AMPH: variants seen among roughly 807,000 people sequenced by gnomAD.
The protein encoded by AMPH is amphiphysin.
In AMPH, 49 loss-of-function variants were observed where a neutral mutation model predicts 99.1. The ratio of observed to expected loss-of-function variants is 0.49; its 90% CI spans 0.39 to 0.63. The LOEUF (loss-of-function observed/expected upper bound fraction) is 0.63. AMPH is among the 20% of genes least tolerant of loss of function. The pLI is 0.00. For missense variants in AMPH, 759 were observed against 863.4 expected (o/e 0.88, Z 1.52); for synonymous variants, 314 against 317.3 (o/e 0.99, Z 0.11).
chr7:38,429,934 G>A (rs1562749010), intron 13 of AMPH, 69 bp from the exon 14 acceptor site: 5 of 1,423,474 alleles, frequency 3.5e-6, no homozygotes, highest in Non-Finnish European at 4.8e-6. Flanking sequence ...AAAATCCTAT[G>A]CTGTCTAGAG....
At chr7:38,397,799 AACT>A (rs749673594) in intron 17 of AMPH, among the ~76,000 whole-genome samples, 18 of 151,830 alleles carry the variant, frequency 1.2e-4, no homozygotes, top group Admixed American at 2.6e-4. Context: ...GATCTCAAAC[AACT>A]CTATGGGGAA....
At chr7:38,496,960 T>G (rs1427350978) in intron 3 of AMPH, among the ~76,000 whole-genome samples, 2 of 152,196 alleles carry the variant, frequency 1.3e-5, no homozygotes, top group African/African-American at 4.8e-5. Flanking sequence ...AATAAAATTA[T>G]ATAAGATTTT....
Position 38,435,228 on chromosome 7 carries a change from T to A in AMPH, c.1134+1044A>T, listed in dbSNP as rs17171342. Among the ~76,000 whole-genome samples the A allele has an allele frequency of 4.9e-3, 742 of 152,318 alleles. 8 individuals are homozygous for A. Among genetic ancestry groups the A allele is most frequent in the African/African-American group, 0.017 (711 of 41,568 alleles). On this transcript the variant is annotated intron_variant, in intron 12 of 20. Coordinates refer to ENST00000356264, the MANE Select transcript of AMPH (RefSeq NM_001635.4). ...TTATTAACACCTTGGACATTTATTGTTCATATTGCACAACAGGAAAGCCTT... is the reference window on the plus strand; with the variant it reads ...TTATTAACACCTTGGACATTTATTGATCATATTGCACAACAGGAAAGCCTT...
At chr7:38,627,109 C>T (rs1016674031) in intron 1 of AMPH, among the ~76,000 whole-genome samples, 6 of 152,084 alleles carry the variant, frequency 3.9e-5, no homozygotes, top group African/African-American at 7.2e-5. Flanking sequence ...TCCTGGCTTT[C>T]GCACTGGCTC....
intron 1 of AMPH, among the ~76,000 whole-genome samples, chr7:38,559,229 C>T (rs904885636): frequency 6.6e-6 from 1 of 152,212 alleles, no homozygotes; most frequent in Non-Finnish European, 1.5e-5. Context: ...GTTACCCAGC[C>T]GTATTACTTC....
At position 38,623,637 on chromosome 7, in the gene AMPH, G is replaced by A. The variant is rs556122149; in HGVS notation, c.69+7646C>T. On this transcript the variant is annotated intron_variant, in intron 1 of 20. Transcript: ENST00000356264. ...GAGATTTGGTCTCTGAAGTGTCCTC[G>A]GAAGTAAACGTGGCCATATAAACTA... 8.5e-5 allele frequency among the ~76,000 whole-genome samples: 13 copies of A among 152,254 alleles called. No individual in the cohort carries two copies. In the South Asian group the frequency reaches 1.5e-3, roughly 17 times the overall value.
chr7:38,628,384 T>C (rs1794331909), intron 1 of AMPH, among the ~76,000 whole-genome samples: 1 of 152,220 alleles, frequency 6.6e-6, no homozygotes, highest in African/African-American at 2.4e-5. Context: ...TTGGATGCAA[T>C]AAGTCTTCTT....
In AMPH at chr7:38,584,326, G is replaced by T. The variant is rs116533650; in HGVS notation, c.69+46957C>A. 7.6e-3 allele frequency among the ~76,000 whole-genome samples: 1,161 copies of T among 152,278 alleles called. 18 individuals carry two copies. The highest frequency in any genetic ancestry group is 0.026 in the African/African-American group (1,087 of 41,544). On this transcript the variant is annotated intron_variant, in intron 1 of 20. Transcript: ENST00000356264. ...CCCACACCTAGAATCAGCTATTTCT[G>T]CAAGGAGCCCTGGTAGTAGGAAGTT...
chr7:38,513,563 T>C (rs1389263984), intron 2 of AMPH, among the ~76,000 whole-genome samples: 1 of 152,238 alleles, frequency 6.6e-6, no homozygotes, highest in Non-Finnish European at 1.5e-5. Flanking sequence ...AGAGATTCTG[T>C]ATCTTTTCCC....
chr7:38,428,488 TG>T (rs777894841), intron 14 of AMPH: 1 of 456,764 alleles, frequency 2.2e-6, no homozygotes, highest in South Asian at 1.5e-5. Context: ...TTTTTATCCC[TG>T]TCACCTACAA....
chr7:38,414,896 T>C (rs1375831656), intron 17 of AMPH, among the ~76,000 whole-genome samples: 1 of 152,186 alleles, frequency 6.6e-6, no homozygotes, highest in African/African-American at 2.4e-5. Context: ...ACTCCTGACC[T>C]CATGTGATTT....
chr7:38,470,670 A>G (rs1169525133), intron 7 of AMPH, among the ~76,000 whole-genome samples: 5 of 151,944 alleles, frequency 3.3e-5, no homozygotes, highest in African/African-American at 7.2e-5. Flanking sequence ...TAATTCATCA[A>G]CTCTCATGGC....
At chr7:38,557,512 C>T (rs1399246287) in intron 1 of AMPH, among the ~76,000 whole-genome samples, 3 of 152,162 alleles carry the variant, frequency 2.0e-5, no homozygotes, top group Admixed American at 1.3e-4. Context: ...GCTGCTGCCA[C>T]GTGAAGCAGG....
intron 1 of AMPH, among the ~76,000 whole-genome samples, chr7:38,553,684 A>C (rs546790403): frequency 2.9e-4 from 44 of 152,308 alleles, no homozygotes; most frequent in Non-Finnish European, 6.2e-4. Flanking sequence ...ATTACACTTC[A>C]TGGGGCCTTG....
intron 11 of AMPH, among the ~76,000 whole-genome samples, chr7:38,461,077 CTTAA>C (rs1021756089): frequency 2.0e-5 from 3 of 152,080 alleles, no homozygotes; most frequent in South Asian, 4.2e-4. Flanking sequence ...ATATACTACC[CTTAA>C]TTAAAAAAAA....
intron 1 of AMPH, among the ~76,000 whole-genome samples, chr7:38,542,739 T>C (rs1258422258): frequency 6.6e-6 from 1 of 152,140 alleles, no homozygotes; most frequent in Non-Finnish European, 1.5e-5. Flanking sequence ...GAGAATTGCC[T>C]GAGCCCAGGA....
intron 17 of AMPH, among the ~76,000 whole-genome samples, chr7:38,409,725 G>A (rs1785159630): frequency 6.6e-6 from 1 of 152,138 alleles, no homozygotes; most frequent in Non-Finnish European, 1.5e-5. Flanking sequence ...TCAACTGCAG[G>A]CAGCACTGTT....
chr7:38,525,277 T>TATATATAG (rs1481528083), intron 2 of AMPH, among the ~76,000 whole-genome samples: 269 of 86,640 alleles, frequency 3.1e-3, no homozygotes, highest in African/African-American at 6.4e-3. Flanking sequence ...TATATATATA[T>TATATATAG]AGAGAGAGAG....
intron 7 of AMPH, among the ~76,000 whole-genome samples, chr7:38,470,593 T>C (rs527582663): frequency 6.6e-6 from 1 of 152,234 alleles, no homozygotes; most frequent in South Asian, 2.1e-4. Flanking sequence ...GCACATTCCA[T>C]AAAATATTAG....
Sources: gnomAD v4.1 joint callset for allele counts (sites outside exome capture counted in the v4.1 genomes callset) on GRCh38, gnomAD v4.1.1 for gene constraint, MANE v1.5 for transcripts, NCBI Gene and HGNC (gene_info 2026-07-23, HGNC 2026-07-21) for gene names.